Variants in TMEM45A observed in about 807,000 individuals in gnomAD.
The protein encoded by TMEM45A is DNA polymerase-transactivated protein 4.
A neutral mutation model predicts 32.0 loss-of-function variants in TMEM45A; 25 were observed. The observed-to-expected ratio is 0.78, with a 90% confidence interval of 0.57 to 1.09. TMEM45A has a LOEUF of 1.09. Ranked by LOEUF, TMEM45A falls within the 50% of genes least tolerant of loss-of-function variation. TMEM45A has a pLI of 0.00. For synonymous variants in TMEM45A, 122 were observed against 114.8 expected, an observed-to-expected ratio of 1.06 and a Z score of -0.40; for missense variants, 302 against 325.0, an observed-to-expected ratio of 0.93 and a Z score of 0.54.
intron 1 of TMEM45A, among the ~76,000 whole-genome samples, chr3:100,544,139 G>A (rs374353130): frequency 2.5e-4 from 38 of 151,784 alleles, no homozygotes; most frequent in African/African-American, 7.3e-4. Context: ...CATGATAAAA[G>A]TTTGATTCCA....
At chr3:100,533,257 T>C (rs1705680414) in intron 1 of TMEM45A, among the ~76,000 whole-genome samples, 1 of 151,992 alleles carries the variant, frequency 6.6e-6, no homozygotes, top group South Asian at 2.1e-4. Context: ...AAAAAAAAGA[T>C]TCCCAGGCCT....
At chr3:100,495,991 G>A (rs1707920344) in intron 1 of TMEM45A, among the ~76,000 whole-genome samples, 5 of 152,164 alleles carry the variant, frequency 3.3e-5, no homozygotes, top group Admixed American at 3.3e-4. Flanking sequence ...TATTGAAGTA[G>A]ATAAGAACTG....
At chr3:100,557,558 T>G (rs1232644323) in intron 3 of TMEM45A, among the ~76,000 whole-genome samples, 6 of 10,922 alleles carry the variant, frequency 5.5e-4, no homozygotes, top group African/African-American at 3.1e-3. Context: ...ATTTAATGGT[T>G]TTTTTTTTTT....
At chr3:100,552,261 C>T (rs1330509266) in intron 1 of TMEM45A, among the ~76,000 whole-genome samples, 1 of 152,008 alleles carries the variant, frequency 6.6e-6, no homozygotes, top group African/African-American at 2.4e-5. Context: ...TCTGAGGTGC[C>T]CCCATAGTCA....
At chr3:100,528,608 C>T (rs1240742739) in intron 1 of TMEM45A, among the ~76,000 whole-genome samples, 3 of 152,062 alleles carry the variant, frequency 2.0e-5, no homozygotes, top group Non-Finnish European at 4.4e-5. Context: ...GCATGGCAGA[C>T]TAGAAACTCT....
chr3:100,512,526 A>T (rs1708183755), intron 1 of TMEM45A, among the ~76,000 whole-genome samples: 1 of 152,260 alleles, frequency 6.6e-6, no homozygotes. Context: ...AAAGGAGGAA[A>T]GATCCAAAAT....
chr3:100,543,843 A>G (rs761299558), intron 1 of TMEM45A, among the ~76,000 whole-genome samples: 1 of 152,204 alleles, frequency 6.6e-6, no homozygotes, highest in Non-Finnish European at 1.5e-5. Flanking sequence ...AAGGATGGGT[A>G]TGAATCCCGG....
intron 3 of TMEM45A, among the ~76,000 whole-genome samples, chr3:100,557,695 G>A (rs1036170599): frequency 2.6e-5 from 4 of 152,024 alleles, no homozygotes; most frequent in African/African-American, 9.7e-5. Context: ...CCCATACCTC[G>A]GGAACAAGGG....
chr3:100,549,011 G>T (rs947735931), intron 1 of TMEM45A, among the ~76,000 whole-genome samples: 1 of 152,134 alleles, frequency 6.6e-6, no homozygotes, highest in African/African-American at 2.4e-5. Flanking sequence ...ACTTTGGGAG[G>T]CCAAGGTGGG....
In TMEM45A at chr3:100,492,758, T is replaced by C. The variant is rs7619507; in HGVS notation, c.-174T>C. The C allele has an allele frequency of 0.55, 78,570 of 142,338 alleles. 23,864 individuals are homozygous for C. Among genetic ancestry groups the C allele is most frequent in the African/African-American group, 0.8 (30,422 of 37,958 alleles). 8.8% of individuals were successfully genotyped at this position (142,338 alleles called of 1,614,324 possible). On this transcript the variant is annotated 5_prime_UTR_variant, in exon 1 of 6. Transcript: ENST00000323523. ...CTAGGGACCCAAGTTTAAAAATTCC[T>C]CCCCCCACCCAATGCGAGACGTGGC...
intron 4 of TMEM45A, among the ~76,000 whole-genome samples, chr3:100,561,427 T>C (rs1329220458): frequency 6.6e-6 from 1 of 152,162 alleles, no homozygotes; most frequent in African/African-American, 2.4e-5. Context: ...GAGATGTGAA[T>C]TGAAGGAAAC....
intron 4 of TMEM45A, among the ~76,000 whole-genome samples, chr3:100,562,371 G>C (rs1706354403): frequency 6.6e-6 from 1 of 152,178 alleles, no homozygotes; most frequent in Admixed American, 6.5e-5. Flanking sequence ...GTTTGGCCTA[G>C]AATGACTATG....
intron 1 of TMEM45A, among the ~76,000 whole-genome samples, chr3:100,509,910 C>T (rs1055762994): frequency 9.2e-5 from 14 of 152,300 alleles, no homozygotes; most frequent in East Asian, 3.9e-4. Context: ...GCTTTTCCAA[C>T]GGGCTTAAAA....
At chr3:100,565,037 G>A (rs1221465878) in intron 4 of TMEM45A, among the ~76,000 whole-genome samples, 1 of 152,138 alleles carries the variant, frequency 6.6e-6, no homozygotes, top group East Asian at 1.9e-4. Flanking sequence ...AAAGAGTATG[G>A]GTGGGAGAAA....
chr3:100,566,792 A>G lies in TMEM45A; in HGVS notation c.589-2030A>G, dbSNP rs374265534. 2.6e-5 allele frequency among the ~76,000 whole-genome samples: 4 copies of G among 152,046 alleles called. No homozygotes were observed. In the East Asian group the frequency reaches 5.8e-4, roughly 22 times the overall value. On this transcript the variant is annotated intron_variant, in intron 4 of 5. Transcript: ENST00000323523. The stretch of plus-strand genomic sequence containing the variant: ...TCATGTGCTTATTGACCATTTGTAT[A>G]TTTGCTTTGGGGAAATGTTTCTTGA...
intron 1 of TMEM45A, 127 bp from the exon 2 acceptor site, chr3:100,555,082 C>T: frequency 3.7e-6 from 3 of 815,986 alleles, no homozygotes; most frequent in Non-Finnish European, 5.8e-6. Flanking sequence ...GTAGGATCCT[C>T]AGAATCATCC....
At chr3:100,508,083 G>A (rs61311352) in intron 1 of TMEM45A, among the ~76,000 whole-genome samples, 12,145 of 152,000 alleles carry the variant, frequency 0.08, 1,625 homozygotes, top group African/African-American at 0.28. Flanking sequence ...GGAGCCAGGA[G>A]AGACTCCTCA....
chr3:100,523,611 GAT>G (rs998391566), intron 1 of TMEM45A, among the ~76,000 whole-genome samples: 13 of 152,218 alleles, frequency 8.5e-5, no homozygotes, highest in African/African-American at 2.4e-4. Context: ...GCTGAGATGA[GAT>G]AACTTTTAGC....
At chr3:100,508,122 C>T (rs919120531) in intron 1 of TMEM45A, among the ~76,000 whole-genome samples, 4 of 151,924 alleles carry the variant, frequency 2.6e-5, no homozygotes, top group African/African-American at 7.3e-5. Flanking sequence ...GAGAGAGCCC[C>T]ATGTTCCACA....
Sources: allele counts gnomAD v4.1 joint callset (sites outside exome capture counted in the v4.1 genomes callset), GRCh38; gene constraint gnomAD v4.1.1; transcripts MANE v1.5; gene names NCBI Gene and HGNC (gene_info 2026-07-23, HGNC 2026-07-21).